Variants in PALLD observed in about 807,000 individuals in gnomAD.
PALLD encodes the protein palladin.
A neutral mutation model predicts 123.5 loss-of-function variants in PALLD; 61 were observed. The ratio of observed to expected loss-of-function variants is 0.49; its 90% CI spans 0.40 to 0.61. The LOEUF (loss-of-function observed/expected upper bound fraction) is 0.61, where lower values mean the gene tolerates loss of function less well. Ranked by LOEUF, PALLD falls within the 20% of genes least tolerant of loss-of-function variation. The pLI, the probability that PALLD is intolerant of heterozygous loss-of-function variation, is 0.00. For missense variants in PALLD, 1,273 were observed against 1,377.0 expected (o/e 0.92, Z 1.20); for synonymous variants, 465 against 496.4 (o/e 0.94, Z 0.84).
At chr4:168,657,967 A>G (rs1157792498) in intron 2 of PALLD, among the ~76,000 whole-genome samples, 2 of 151,870 alleles carry the variant, frequency 1.3e-5, no homozygotes. Flanking sequence ...TCTCAAAAAA[A>G]GAGAGAGAGC....
At chr4:168,686,083 A>G (rs577920769) in intron 6 of PALLD, among the ~76,000 whole-genome samples, 1 of 152,228 alleles carries the variant, frequency 6.6e-6, no homozygotes, top group South Asian at 2.1e-4. Flanking sequence ...AAAAGGCCCA[A>G]ATAAATGGAG....
At chr4:168,525,704 C>T in intron 2 of PALLD, among the ~76,000 whole-genome samples, 1 of 152,108 alleles carries the variant, frequency 6.6e-6, no homozygotes, top group South Asian at 2.1e-4. Context: ...ATTAAAGATA[C>T]CATCACCCTT....
At chr4:168,902,121 T>A (rs1756650512) in intron 14 of PALLD, among the ~76,000 whole-genome samples, 1 of 152,228 alleles carries the variant, frequency 6.6e-6, no homozygotes, top group Non-Finnish European at 1.5e-5. Context: ...AATGCAGGTT[T>A]CAAAAAGATT....
chr4:168,761,641 G>GTTTTTTTTTTTTTTTTTTTTTTTTTTTTT (rs1230404942), intron 10 of PALLD, among the ~76,000 whole-genome samples: 2 of 11,638 alleles, frequency 1.7e-4, no homozygotes, highest in Admixed American at 1.4e-3. Context: ...TGTTGTTGTT[G>GTTTTTTTTTTTTTTTTTTTTTTTTTTTTT]TTTGTTTTTT....
intron 10 of PALLD, among the ~76,000 whole-genome samples, chr4:168,859,600 A>G (rs1394378829): frequency 1.3e-5 from 2 of 152,200 alleles, no homozygotes; most frequent in Admixed American, 1.3e-4. Flanking sequence ...ATCTATCACC[A>G]CTACCCCAAA....
intron 10 of PALLD, among the ~76,000 whole-genome samples, chr4:168,833,315 C>T (rs1185556948): frequency 6.6e-6 from 1 of 152,068 alleles, no homozygotes; most frequent in African/African-American, 2.4e-5. Context: ...CCGGGTCTTG[C>T]GCTGCGTGCC....
At chr4:168,525,196 G>T (rs537035165) in intron 2 of PALLD, among the ~76,000 whole-genome samples, 1 of 152,230 alleles carries the variant, frequency 6.6e-6, no homozygotes, top group Non-Finnish European at 1.5e-5. Context: ...CCACACTTTA[G>T]TTCAAGTGAC....
At chr4:168,783,459 C>T (rs1736243057) in intron 10 of PALLD, among the ~76,000 whole-genome samples, 4 of 152,000 alleles carry the variant, frequency 2.6e-5, no homozygotes, top group Admixed American at 2.6e-4. Context: ...ACGGGAGAGA[C>T]AGGAGAGCAT....
intron 1 of PALLD, among the ~76,000 whole-genome samples, chr4:168,498,501 C>G (rs774282391): frequency 9.2e-5 from 14 of 152,134 alleles, no homozygotes; most frequent in Non-Finnish European, 1.3e-4. Flanking sequence ...ATAAATATGA[C>G]AAGTTCTTTA....
At chr4:168,544,951 G>A (rs145376266) in intron 2 of PALLD, among the ~76,000 whole-genome samples, 176 of 152,114 alleles carry the variant, frequency 1.2e-3, no homozygotes, top group African/African-American at 3.6e-3. Context: ...ATATATGACC[G>A]TCACTCACTT....
intron 14 of PALLD, among the ~76,000 whole-genome samples, chr4:168,900,210 G>A (rs1417620820): frequency 2.0e-5 from 3 of 152,078 alleles, no homozygotes; most frequent in African/African-American, 7.2e-5. Context: ...CCATGATCCC[G>A]TCACCTCCCG....
intron 10 of PALLD, among the ~76,000 whole-genome samples, chr4:168,776,846 C>T (rs113678905): frequency 1.8e-4 from 28 of 151,974 alleles, no homozygotes; most frequent in African/African-American, 6.8e-4. Context: ...ATGTAATTAC[C>T]TTTATTGTTG....
At chr4:168,536,862 C>T (rs1457640367) in intron 2 of PALLD, among the ~76,000 whole-genome samples, 1 of 150,090 alleles carries the variant, frequency 6.7e-6, no homozygotes, top group East Asian at 2.0e-4. Context: ...GAGTCTCACT[C>T]TGTCTCCCAG....
intron 2 of PALLD, among the ~76,000 whole-genome samples, chr4:168,570,380 C>T (rs946238684): frequency 2.6e-5 from 4 of 152,090 alleles, no homozygotes; most frequent in Admixed American, 6.6e-5. Flanking sequence ...CTTTCCCTTA[C>T]GGGTTTTAAA....
At chr4:168,771,787 T>A (rs1734489451) in intron 10 of PALLD, among the ~76,000 whole-genome samples, 1 of 152,132 alleles carries the variant, frequency 6.6e-6, no homozygotes, top group Non-Finnish European at 1.5e-5. Context: ...TTGGGGACCC[T>A]GGATGTTTGA....
chr4:168,646,754 A>G (rs1429870724), intron 2 of PALLD, among the ~76,000 whole-genome samples: 2 of 152,244 alleles, frequency 1.3e-5, no homozygotes, highest in Non-Finnish European at 1.5e-5. Context: ...AATAGAGAAT[A>G]TCTTAGCCAT....
Position 168,683,012 on chromosome 4 carries a change from C to A in PALLD, c.1169C>A (p.Thr390Lys), listed in dbSNP as rs865991052. 6.2e-7 allele frequency: 1 copy of A among 1,607,332 alleles called. No individual in the cohort carries two copies. The change falls in exon 5 of 22, where the codon ACA (threonine) becomes AAA (lysine). Residue 390 changes from threonine to lysine, a missense_variant. By Grantham distance (78) the Thr-to-Lys change is moderately conservative. Around this residue, in one of 2 missense-constraint regions of PALLD, gnomAD observed 944 missense variants for 954.5 expected, o/e 0.99. Transcript: ENST00000505667. ...CTATTTTCCAGAGCTCAAAAGAAAACAACTTCTGTTTCCTTGACAATAGGA... is the reference window on the plus strand; with the variant it reads ...CTATTTTCCAGAGCTCAAAAGAAAAAAACTTCTGTTTCCTTGACAATAGGA... ...AGAMPQAQKKTTSVSLTIGSS... is the reference protein window; with the variant it reads ...AGAMPQAQKKKTSVSLTIGSS...
chr4:168,775,175 C>A (rs1735008855), intron 10 of PALLD, among the ~76,000 whole-genome samples: 2 of 152,074 alleles, frequency 1.3e-5, no homozygotes, highest in Admixed American at 1.3e-4. Context: ...TATGAGAGTT[C>A]CAGTTTCTCC....
rs1414206018 is a variant in PALLD at position 168,662,464 on chromosome 4, A to G, written c.909-5726A>G. Reference sequence around the variant, plus strand: ...TTTGTAGCCTTAAACAGCTGTGCTGAGGATTCTCAGACATTCTGTCTCACT... The same window carrying G: ...TTTGTAGCCTTAAACAGCTGTGCTGGGGATTCTCAGACATTCTGTCTCACT... On this transcript the variant is annotated intron_variant, in intron 2 of 21. Coordinates refer to ENST00000505667, the MANE Select transcript of PALLD (RefSeq NM_001166108.2). Among the ~76,000 whole-genome samples the G allele has an allele frequency of 4.6e-5, 7 of 152,244 alleles. No individual in the cohort carries two copies. In the East Asian group the frequency reaches 1.3e-3, roughly 29 times the overall value.
Sources: gnomAD v4.1 joint callset for allele counts (sites outside exome capture counted in the v4.1 genomes callset) on GRCh38, gnomAD v4.1.1 for gene constraint, gnomAD v4.1.1 regional missense constraint, MANE v1.5 for transcripts, NCBI Gene and HGNC (gene_info 2026-07-23, HGNC 2026-07-21) for gene names.